ESYT2: variants seen among roughly 807,000 people sequenced by gnomAD.
The protein encoded by ESYT2 is extended synaptotagmin 2, also known as extended synaptotagmin-2.
Under a neutral mutation model 107.2 loss-of-function variants are expected in ESYT2, and 54 were observed. The ratio of observed to expected loss-of-function variants is 0.50; its 90% CI spans 0.40 to 0.63. The LOEUF is 0.63. Among genes scored for constraint, ESYT2 ranks in the 30% least tolerant of loss-of-function variants. The pLI is 0.00. For synonymous variants in ESYT2, 491 were observed against 434.1 expected (o/e 1.13, Z -1.63); for missense variants, 1,020 against 1,094.5 (o/e 0.93, Z 0.96).
chr7:158,814,310 T>A (rs1333841634), intron 1 of ESYT2, among the ~76,000 whole-genome samples: 1 of 3,140 alleles, frequency 3.2e-4, no homozygotes, highest in Non-Finnish European at 1.9e-3. Context: ...TATATATATA[T>A]ATATATATAT....
intron 6 of ESYT2, among the ~76,000 whole-genome samples, chr7:158,783,152 T>G (rs142044509): frequency 7.7e-4 from 117 of 152,264 alleles, no homozygotes; most frequent in African/African-American, 2.3e-3. Context: ...TCTGAGCTGT[T>G]GCGGCTTTTC....
At chr7:158,769,108 C>T (rs972969010) in intron 7 of ESYT2, among the ~76,000 whole-genome samples, 2 of 152,142 alleles carry the variant, frequency 1.3e-5, no homozygotes, top group Non-Finnish European at 2.9e-5. Flanking sequence ...TAATCGTCAG[C>T]GTTCAACAAA....
chr7:158,798,959 CCA>C (rs1839553983), intron 2 of ESYT2, 70 bp downstream of exon 2: 3 of 1,485,798 alleles, frequency 2.0e-6, no homozygotes, highest in Non-Finnish European at 2.8e-6. Flanking sequence ...ATGCAAATCC[CCA>C]AATATGGAAA....
chr7:158,753,938 G>A (rs900858164), intron 13 of ESYT2, among the ~76,000 whole-genome samples: 2 of 152,144 alleles, frequency 1.3e-5, no homozygotes, highest in Admixed American at 6.5e-5. Context: ...ATAGATATGG[G>A]CTGTACCAAA....
At chr7:158,796,576 G>T (rs1476343069) in intron 3 of ESYT2, among the ~76,000 whole-genome samples, 3 of 152,220 alleles carry the variant, frequency 2.0e-5, no homozygotes, top group Non-Finnish European at 4.4e-5. Flanking sequence ...TCCGAAAAGG[G>T]CGTGCTGACA....
chr7:158,808,852 T>C (rs947450634), intron 1 of ESYT2, among the ~76,000 whole-genome samples: 3 of 148,036 alleles, frequency 2.0e-5, no homozygotes, highest in Non-Finnish European at 4.6e-5. Flanking sequence ...TGGGCACCTG[T>C]AGTCCCAGCT....
intron 6 of ESYT2, among the ~76,000 whole-genome samples, chr7:158,774,231 T>C (rs1203254119): frequency 6.6e-6 from 1 of 152,194 alleles, no homozygotes; most frequent in Non-Finnish European, 1.5e-5. Flanking sequence ...CCCTTTTTGG[T>C]TGCAAGCAAA....
chr7:158,820,555 T>C (rs1840260305), intron 1 of ESYT2, among the ~76,000 whole-genome samples: 2 of 152,170 alleles, frequency 1.3e-5, no homozygotes, highest in Admixed American at 6.5e-5. Context: ...CTTTGGGAAG[T>C]AGAGGCAGGA....
At chr7:158,761,052 G>A (rs1033362741) in intron 11 of ESYT2, among the ~76,000 whole-genome samples, 1 of 152,156 alleles carries the variant, frequency 6.6e-6, no homozygotes, top group African/African-American at 2.4e-5. Flanking sequence ...TGGAAGTCGA[G>A]TCTCCTTGCC....
At chr7:158,814,512 CT>C (rs1156508714) in intron 1 of ESYT2, among the ~76,000 whole-genome samples, 1 of 152,006 alleles carries the variant, frequency 6.6e-6, no homozygotes, top group African/African-American at 2.4e-5. Context: ...ATATACGTTA[CT>C]CGTCCCGATT....
chr7:158,796,140 ACT>A (rs1396431881), intron 3 of ESYT2, among the ~76,000 whole-genome samples: 3 of 152,046 alleles, frequency 2.0e-5, no homozygotes, highest in Admixed American at 6.5e-5. Flanking sequence ...CTGTTTGCTG[ACT>A]CTGCTGTGTG....
intron 6 of ESYT2, among the ~76,000 whole-genome samples, chr7:158,779,436 A>G (rs1479620874): frequency 6.6e-6 from 1 of 152,228 alleles, no homozygotes; most frequent in Non-Finnish European, 1.5e-5. Flanking sequence ...AATTACATAT[A>G]AAACTAGGCT....
intron 12 of ESYT2, 113 bp from the exon 13 acceptor site, chr7:158,759,694 C>A (rs771469563): frequency 1.2e-6 from 1 of 805,912 alleles, no homozygotes; most frequent in Non-Finnish European, 1.9e-6. Flanking sequence ...GAGAAACCAT[C>A]CAATCCATGC....
intron 1 of ESYT2, among the ~76,000 whole-genome samples, chr7:158,808,982 C>A (rs1456474067): frequency 6.6e-6 from 1 of 151,260 alleles, no homozygotes; most frequent in Non-Finnish European, 1.5e-5. Flanking sequence ...TCTCAGAAAA[C>A]AACAACAACA....
intron 13 of ESYT2, among the ~76,000 whole-genome samples, chr7:158,758,921 T>A (rs900926091): frequency 1.3e-5 from 2 of 152,210 alleles, no homozygotes; most frequent in East Asian, 3.8e-4. Context: ...CAAACAAAAA[T>A]ATATGCTTCT....
At chr7:158,804,231 G>A (rs1333738885) in intron 1 of ESYT2, among the ~76,000 whole-genome samples, 3 of 75,766 alleles carry the variant, frequency 4.0e-5, no homozygotes, top group Non-Finnish European at 7.2e-5. Flanking sequence ...CCAAACCGCC[G>A]AGAAGGGTGA....
At chr7:158,788,234 C>G in intron 5 of ESYT2, 111 bp downstream of exon 5, 1 of 1,217,716 alleles carries the variant, frequency 8.2e-7, no homozygotes, top group South Asian at 1.4e-5. Flanking sequence ...CAGCTAAAAA[C>G]TGAACGTCAA....
intron 1 of ESYT2, among the ~76,000 whole-genome samples, chr7:158,800,751 C>T (rs1355478171): frequency 6.9e-6 from 1 of 145,866 alleles, no homozygotes; most frequent in African/African-American, 2.6e-5. Flanking sequence ...TTTTTTGAGA[C>T]AGACTCTCCC....
At chr7:158,774,130 T>C (rs1838469505) in intron 6 of ESYT2, among the ~76,000 whole-genome samples, 1 of 152,230 alleles carries the variant, frequency 6.6e-6, no homozygotes, top group East Asian at 1.9e-4. Context: ...AAATTACTTG[T>C]GTTCTATATT....
Sources: gnomAD v4.1 joint callset for allele counts (sites outside exome capture counted in the v4.1 genomes callset) on GRCh38, gnomAD v4.1.1 for gene constraint, MANE v1.5 for transcripts, NCBI Gene and HGNC (gene_info 2026-07-23, HGNC 2026-07-21) for gene names.